The following NUTF2 variants were observed in gnomAD, a reference collection of about 807,000 sequenced individuals.
The protein encoded by NUTF2 is nuclear transport factor 2.
In NUTF2, 3 loss-of-function variants were observed where a neutral mutation model predicts 18.5. That is an observed-to-expected ratio of 0.16 (90% confidence interval 0.07 to 0.42). NUTF2 has a LOEUF of 0.42. Ranked by LOEUF, NUTF2 falls within the 10% of genes least tolerant of loss-of-function variation. NUTF2 has a pLI of 0.99. For missense variants in NUTF2, 44 were observed against 160.7 expected (o/e 0.27, Z 3.93); for synonymous variants, 51 against 57.9 (o/e 0.88, Z 0.54).
chr16:67,856,970 GA>G (rs1159595497), intron 1 of NUTF2, among the ~76,000 whole-genome samples: 2 of 152,226 alleles, frequency 1.3e-5, no homozygotes, highest in Non-Finnish European at 2.9e-5. Context: ...TCAAGTGAGA[GA>G]ATACAGAAGT....
intron 1 of NUTF2, among the ~76,000 whole-genome samples, chr16:67,851,304 A>G (rs1246603878): frequency 6.6e-6 from 1 of 151,792 alleles, no homozygotes; most frequent in Non-Finnish European, 1.5e-5. Flanking sequence ...AATATAGTGA[A>G]ACTCTGTTTC....
rs2058019104 is a variant in NUTF2, at chr16:67,872,269, C to G, written c.*1356C>G. Reference sequence around the variant, plus strand: ...ATTGGTAAGGACACCACAGCTAAATCTGACATGTAAAAGGATACCCTTCCC... The same window carrying G: ...ATTGGTAAGGACACCACAGCTAAATGTGACATGTAAAAGGATACCCTTCCC... On this transcript the variant is annotated 3_prime_UTR_variant, in exon 5 of 5. Coordinates refer to ENST00000219169, the MANE Select transcript of NUTF2 (RefSeq NM_005796.3). The G allele has an allele frequency of 1.3e-5, 2 of 152,238 alleles. No individual in the cohort carries two copies. The highest frequency in any genetic ancestry group is 2.9e-5 in the Non-Finnish European group (2 of 68,052). 9.4% of individuals were successfully genotyped at this position (152,238 alleles called of 1,614,324 possible). A position where few individuals can be genotyped will look rare whatever the true frequency, so the allele number is the denominator to read the frequency against.
Position 67,856,232 on chromosome 16 carries a change from GC to G in NUTF2, c.-29-8868del, listed in dbSNP as rs2057896120. The G allele has an allele frequency of 3.7e-5, 8 of 218,252 alleles. No homozygotes were observed. The East Asian group carries it at 7.7e-4, about 21-fold the overall frequency. The allele number at this position is 218,252 out of a possible 1,614,324, so 13.5% of individuals were successfully genotyped here. On this transcript the variant is annotated intron_variant, in intron 1 of 4. Coordinates refer to ENST00000219169, the MANE Select transcript of NUTF2 (RefSeq NM_005796.3). ...TTTTTTGAGACAGTCTCGCTCTGTC[GC>G]CTAGGCTGGAGTGCCGTGGTGTGAT...
At chr16:67,865,278 G>C (rs370905013) in intron 2 of NUTF2, 49 bp downstream of exon 2, 1 of 1,334,864 alleles carries the variant, frequency 7.5e-7, no homozygotes, top group Non-Finnish European at 1.1e-6. Flanking sequence ...GATCAATTTG[G>C]ATGTTGGGCC....
intron 1 of NUTF2, among the ~76,000 whole-genome samples, chr16:67,851,391 G>C (rs1012123598): frequency 1.3e-5 from 2 of 152,048 alleles, no homozygotes; most frequent in African/African-American, 2.4e-5. Flanking sequence ...TGAGGCAGGA[G>C]AATCGCTTGA....
chr16:67,853,474 T>C (rs2057874791), intron 1 of NUTF2, among the ~76,000 whole-genome samples: 1 of 151,968 alleles, frequency 6.6e-6, no homozygotes, highest in South Asian at 2.1e-4. Flanking sequence ...TCTCCTGCCT[T>C]AGCCTCCCAA....
intron 1 of NUTF2, among the ~76,000 whole-genome samples, chr16:67,863,873 TG>T (rs1423319203): frequency 6.6e-6 from 1 of 152,238 alleles, no homozygotes; most frequent in Non-Finnish European, 1.5e-5. Context: ...CTCTCCCATC[TG>T]GGGCTTGGGT....
chr16:67,849,554 C>T (rs1029101820), intron 1 of NUTF2, among the ~76,000 whole-genome samples: 2 of 151,884 alleles, frequency 1.3e-5, no homozygotes, highest in African/African-American at 4.8e-5. Context: ...ATTTGTCAGG[C>T]TGGTCAAACT....
chr16:67,855,890 G>A (rs111315946), intron 1 of NUTF2: 46 of 396,928 alleles, frequency 1.2e-4, no homozygotes, highest in Non-Finnish European at 1.9e-4. Context: ...TTTTTGGCGG[G>A]GGGGGGGGAT....
intron 1 of NUTF2, among the ~76,000 whole-genome samples, chr16:67,848,388 G>A (rs2057824462): frequency 1.3e-5 from 2 of 152,210 alleles, no homozygotes; most frequent in African/African-American, 2.4e-5. Context: ...TTCCAGACTA[G>A]CATGGCCAAC....
intron 1 of NUTF2, among the ~76,000 whole-genome samples, chr16:67,857,707 C>T (rs943529413): frequency 1.3e-5 from 2 of 152,212 alleles, no homozygotes; most frequent in Admixed American, 6.5e-5. Context: ...GGCTAGAGGC[C>T]AGGTCTTTGA....
chr16:67,868,656 C>A, intron 4 of NUTF2, 57 bp downstream of exon 4: 2 of 1,472,928 alleles, frequency 1.4e-6, no homozygotes, highest in Non-Finnish European at 1.9e-6. Flanking sequence ...GAGTCTTGTA[C>A]CCCTGCTTTC....
intron 1 of NUTF2, among the ~76,000 whole-genome samples, chr16:67,853,313 TC>T (rs2057873567): frequency 1.3e-5 from 2 of 152,280 alleles, no homozygotes; most frequent in South Asian, 4.1e-4. Flanking sequence ...CACCTCAGCC[TC>T]CTGAGTAGCT....
rs778608707 is a variant in NUTF2 at position 67,870,937 on chromosome 16, G to T, written c.*24G>T. On this transcript the variant is annotated 3_prime_UTR_variant, in exon 5 of 5. Coordinates refer to ENST00000219169, the MANE Select transcript of NUTF2 (RefSeq NM_005796.3). Reference sequence around the variant, plus strand: ...GACCTCCTCTCAGCTAGGCACTCACGCTGTTTCCTCCTCCCTCCTCTTCCC... The same window carrying T: ...GACCTCCTCTCAGCTAGGCACTCACTCTGTTTCCTCCTCCCTCCTCTTCCC... 7 of 1,511,694 alleles carry T rather than the reference G, an allele frequency of 4.6e-6. No homozygotes were observed. The South Asian group carries it at 5.6e-5, about 12-fold the overall frequency. The allele number at this position is 1,511,694 out of a possible 1,614,324, so 93.6% of individuals were successfully genotyped here.
chr16:67,860,937 T>C (rs147727544), intron 1 of NUTF2, among the ~76,000 whole-genome samples: 23 of 152,348 alleles, frequency 1.5e-4, no homozygotes, highest in Non-Finnish European at 3.1e-4. Flanking sequence ...TGAAAACTCC[T>C]GTTGTTTGGA....
At chr16:67,848,767 A>C (rs2057828954) in intron 1 of NUTF2, among the ~76,000 whole-genome samples, 1 of 152,046 alleles carries the variant, frequency 6.6e-6, no homozygotes, top group African/African-American at 2.4e-5. Flanking sequence ...GAAAAAAAAA[A>C]AAAGCAGCAG....
At chr16:67,852,596 G>T (rs866040276) in intron 1 of NUTF2, among the ~76,000 whole-genome samples, 1 of 151,900 alleles carries the variant, frequency 6.6e-6, no homozygotes, top group South Asian at 2.1e-4. Flanking sequence ...GACCTCAGGC[G>T]ATCCGCCCAC....
chr16:67,858,400 T>G (rs1408801575), intron 1 of NUTF2, among the ~76,000 whole-genome samples: 1 of 152,150 alleles, frequency 6.6e-6, no homozygotes, highest in East Asian at 1.9e-4. Context: ...ACTCCTGACC[T>G]CAAGTGATCT....
intron 4 of NUTF2, 34 bp from the exon 5 acceptor site, chr16:67,870,765 AT>A (rs777810023): frequency 6.5e-6 from 10 of 1,531,592 alleles, no homozygotes; most frequent in Admixed American, 5.0e-5. Flanking sequence ...CTGTTTCTTG[AT>A]CCCCTTACTG....
Sources: allele counts gnomAD v4.1 joint callset (sites outside exome capture counted in the v4.1 genomes callset), GRCh38; gene constraint gnomAD v4.1.1; transcripts MANE v1.5; gene names NCBI Gene and HGNC (gene_info 2026-07-23, HGNC 2026-07-21).